The following CERS6 variants were observed in gnomAD, a reference collection of about 807,000 sequenced individuals.
CERS6 encodes LAG1 homolog, ceramide synthase 6.
Under a neutral mutation model 56.8 loss-of-function variants are expected in CERS6, and 26 were observed. The observed-to-expected ratio is 0.46, with a 90% confidence interval of 0.34 to 0.63. CERS6 has a LOEUF of 0.63. Ranked by LOEUF, CERS6 falls within the 30% of genes least tolerant of loss-of-function variation. The pLI, the probability that CERS6 is intolerant of heterozygous loss-of-function variation, is 0.01. For missense variants in CERS6, 415 were observed against 467.5 expected (o/e 0.89, Z 1.04); for synonymous variants, 164 against 173.3 (o/e 0.95, Z 0.42).
chr2:168,638,604 T>C (rs1684916386), intron 4 of CERS6, among the ~76,000 whole-genome samples: 1 of 152,212 alleles, frequency 6.6e-6, no homozygotes, highest in Non-Finnish European at 1.5e-5. Flanking sequence ...TTGCCCAGAA[T>C]AAATTAAAAA....
intron 8 of CERS6, among the ~76,000 whole-genome samples, chr2:168,733,455 C>T (rs2105415873): frequency 6.6e-6 from 1 of 152,308 alleles, no homozygotes. Context: ...TTCATGTTAA[C>T]ACTGTTCCCA....
intron 1 of CERS6, among the ~76,000 whole-genome samples, chr2:168,521,035 C>T (rs1694968766): frequency 1.3e-5 from 2 of 152,170 alleles, no homozygotes; most frequent in Non-Finnish European, 2.9e-5. Context: ...TATTCTATTT[C>T]TTATAGACAT....
intron 1 of CERS6, among the ~76,000 whole-genome samples, chr2:168,508,709 C>T (rs771732161): frequency 1.8e-4 from 26 of 141,128 alleles, no homozygotes; most frequent in Non-Finnish European, 3.1e-4. Context: ...CAGGCCCTGT[C>T]GGGGGGTGGG....
intron 4 of CERS6, among the ~76,000 whole-genome samples, chr2:168,631,710 A>ATTATAT (rs1414204751): frequency 0.012 from 1,381 of 116,570 alleles, 44 homozygotes; most frequent in East Asian, 0.12. Context: ...TTATATTTAT[A>ATTATAT]TTATATTTAT....
chr2:168,598,013 G>A (rs1013623635), intron 3 of CERS6, among the ~76,000 whole-genome samples: 1 of 152,150 alleles, frequency 6.6e-6, no homozygotes, highest in African/African-American at 2.4e-5. Context: ...GTATGTTGAG[G>A]ATCTTCCACG....
intron 8 of CERS6, among the ~76,000 whole-genome samples, chr2:168,760,992 C>T (rs977146177): frequency 1.3e-5 from 2 of 152,076 alleles, no homozygotes; most frequent in African/African-American, 2.4e-5. Context: ...CTCCTGACCT[C>T]GTGATCCGCC....
intron 3 of CERS6, among the ~76,000 whole-genome samples, chr2:168,620,080 A>T (rs1370206885): frequency 6.9e-6 from 1 of 144,634 alleles, no homozygotes; most frequent in African/African-American, 2.5e-5. Context: ...TATATATATG[A>T]TCTAATACTA....
chr2:168,506,895 T>C (rs1694688109), intron 1 of CERS6, among the ~76,000 whole-genome samples: 1 of 152,222 alleles, frequency 6.6e-6, no homozygotes, highest in African/African-American at 2.4e-5. Context: ...TATAATAATA[T>C]ATATTTTCCT....
chr2:168,750,779 C>T (rs1684242616), intron 8 of CERS6, among the ~76,000 whole-genome samples: 2 of 152,214 alleles, frequency 1.3e-5, no homozygotes, highest in South Asian at 2.1e-4. Flanking sequence ...AAGAGGATCA[C>T]GGTTCATTAG....
At chr2:168,647,475 T>C (rs1199389179) in intron 4 of CERS6, among the ~76,000 whole-genome samples, 2 of 152,216 alleles carry the variant, frequency 1.3e-5, no homozygotes, top group Admixed American at 1.3e-4. Flanking sequence ...GATACTTTGA[T>C]GTCCTCTTTT....
intron 1 of CERS6, among the ~76,000 whole-genome samples, chr2:168,478,100 T>A (rs1187715461): frequency 1.3e-5 from 2 of 152,112 alleles, no homozygotes; most frequent in African/African-American, 4.8e-5. Flanking sequence ...GTTTTTTTTT[T>A]TGTTTGTTTG....
intron 4 of CERS6, among the ~76,000 whole-genome samples, chr2:168,684,890 A>G (rs1442286467): frequency 6.6e-6 from 1 of 152,130 alleles, no homozygotes; most frequent in Non-Finnish European, 1.5e-5. Flanking sequence ...TTCCAGTATA[A>G]ATTCATGGAA....
chr2:168,573,473 A>G (rs1385527940), intron 3 of CERS6, among the ~76,000 whole-genome samples: 1 of 152,200 alleles, frequency 6.6e-6, no homozygotes, highest in East Asian at 1.9e-4. Flanking sequence ...GGGTTATATT[A>G]CAATTTATAT....
intron 3 of CERS6, among the ~76,000 whole-genome samples, chr2:168,617,489 A>T (rs910282740): frequency 6.6e-6 from 1 of 152,252 alleles, no homozygotes; most frequent in Non-Finnish European, 1.5e-5. Flanking sequence ...CATTAGCAAG[A>T]TTAACCAAGA....
intron 1 of CERS6, among the ~76,000 whole-genome samples, chr2:168,475,323 C>G (rs952717237): frequency 6.6e-6 from 1 of 152,046 alleles, no homozygotes; most frequent in African/African-American, 2.4e-5. Flanking sequence ...TAAATCGCAG[C>G]TATTATGACG....
chr2:168,577,497 A>T (rs975172376), intron 3 of CERS6, among the ~76,000 whole-genome samples: 2 of 152,188 alleles, frequency 1.3e-5, no homozygotes, highest in African/African-American at 4.8e-5. Context: ...TTTTTTTTTA[A>T]CAAGGGAAAA....
intron 2 of CERS6, among the ~76,000 whole-genome samples, chr2:168,551,849 T>A (rs1038111740): frequency 4.6e-5 from 7 of 152,336 alleles, no homozygotes; most frequent in South Asian, 4.1e-4. Flanking sequence ...GTTTCTTAAC[T>A]GGTTATGTTG....
chr2:168,635,968 C>T (rs1684851703), intron 4 of CERS6, among the ~76,000 whole-genome samples: 2 of 152,104 alleles, frequency 1.3e-5, no homozygotes, highest in Admixed American at 1.3e-4. Flanking sequence ...TATTTTGAGA[C>T]TGAAAATAGA....
At chr2:168,560,836 C>G (rs559298457) in intron 2 of CERS6, among the ~76,000 whole-genome samples, 14 of 152,164 alleles carry the variant, frequency 9.2e-5, no homozygotes, top group African/African-American at 3.4e-4. Flanking sequence ...GCAAATTTAC[C>G]TTCAATGGAC....
Sources: gnomAD v4.1 joint callset for allele counts (sites outside exome capture counted in the v4.1 genomes callset) on GRCh38, gnomAD v4.1.1 for gene constraint, MANE v1.5 for transcripts, NCBI Gene and HGNC (gene_info 2026-07-23, HGNC 2026-07-21) for gene names.